Variants in ARHGEF3 observed in about 807,000 individuals in gnomAD.
The protein encoded by ARHGEF3 is 59.8 kDA protein.
Under a neutral mutation model 63.2 loss-of-function variants are expected in ARHGEF3, and 28 were observed. The ratio of observed to expected loss-of-function variants is 0.44; its 90% CI spans 0.33 to 0.61. ARHGEF3 has a LOEUF of 0.61. ARHGEF3 is among the 20% of genes least tolerant of loss of function. ARHGEF3 has a pLI of 0.03. For synonymous variants in ARHGEF3, 266 were observed against 254.2 expected (o/e 1.05, Z -0.44); for missense variants, 533 against 659.3 (o/e 0.81, Z 2.10).
At chr3:56,947,518 A>G (rs1408482978) in intron 3 of ARHGEF3, among the ~76,000 whole-genome samples, 1 of 152,228 alleles carries the variant, frequency 6.6e-6, no homozygotes, top group Admixed American at 6.5e-5. Context: ...ACAAAGATCA[A>G]AAGAGACAAA....
At chr3:57,043,053 CT>C (rs1331845375) in intron 1 of ARHGEF3, among the ~76,000 whole-genome samples, 1 of 151,402 alleles carries the variant, frequency 6.6e-6, no homozygotes, top group Non-Finnish European at 1.5e-5. Flanking sequence ...TTTTAAGTGG[CT>C]GTGTCTGAAG....
chr3:56,948,880 T>C (rs1057187294), intron 3 of ARHGEF3, among the ~76,000 whole-genome samples: 4 of 152,064 alleles, frequency 2.6e-5, no homozygotes, highest in African/African-American at 9.7e-5. Context: ...ATATCCTCAA[T>C]AAAATACTGG....
intron 4 of ARHGEF3, among the ~76,000 whole-genome samples, chr3:56,752,905 C>G (rs2034861057): frequency 6.6e-6 from 1 of 152,172 alleles, no homozygotes. Flanking sequence ...TGTGATTCTT[C>G]GAGGAGGCTG....
At chr3:56,793,650 A>C (rs1287378966) in intron 1 of ARHGEF3, among the ~76,000 whole-genome samples, 3 of 152,188 alleles carry the variant, frequency 2.0e-5, no homozygotes, top group African/African-American at 7.2e-5. Flanking sequence ...TTAGGTATAA[A>C]ATAGCACCTT....
At chr3:56,797,690 A>T (rs1449320695) in intron 1 of ARHGEF3, among the ~76,000 whole-genome samples, 1 of 152,270 alleles carries the variant, frequency 6.6e-6, no homozygotes, top group Non-Finnish European at 1.5e-5. Flanking sequence ...TAAAATGCAC[A>T]TGTTGACTGA....
chr3:56,889,776 TC>T (rs2041049969), intron 3 of ARHGEF3, among the ~76,000 whole-genome samples: 1 of 152,196 alleles, frequency 6.6e-6, no homozygotes, highest in Non-Finnish European at 1.5e-5. Context: ...AATATTTGTT[TC>T]ATGGCTGGGC....
chr3:56,921,865 C>T (rs2042151394), intron 3 of ARHGEF3, among the ~76,000 whole-genome samples: 2 of 152,214 alleles, frequency 1.3e-5, no homozygotes, highest in Non-Finnish European at 2.9e-5. Context: ...ATGGTTTCAA[C>T]ACAGGAACTA....
chr3:57,003,762 G>C (rs957300865), intron 2 of ARHGEF3, among the ~76,000 whole-genome samples: 37 of 152,160 alleles, frequency 2.4e-4, no homozygotes, highest in African/African-American at 8.2e-4. Flanking sequence ...TGTGATCATG[G>C]AAGCAGAGGT....
intron 2 of ARHGEF3, among the ~76,000 whole-genome samples, chr3:57,019,624 A>G (rs1409304430): frequency 6.6e-6 from 1 of 152,230 alleles, no homozygotes; most frequent in Non-Finnish European, 1.5e-5. Flanking sequence ...AAGAGATGCC[A>G]CATCAGATCA....
At chr3:57,016,732 T>C (rs1467884613) in intron 2 of ARHGEF3, among the ~76,000 whole-genome samples, 1 of 152,088 alleles carries the variant, frequency 6.6e-6, no homozygotes, top group East Asian at 1.9e-4. Flanking sequence ...CACCTCTGAG[T>C]TGGTGCACAG....
rs1360502967 is a variant in ARHGEF3 at position 57,012,286 on chromosome 3, G to A, written c.62+22802C>T. On this transcript the variant is annotated intron_variant, in intron 2 of 12. Transcript: ENST00000338458. ...TTGCTGTTGTTGTTGTTTTGAGACA[G>A]GGTCTCTCTCTGTTGCCCAGGGAAT... Among the ~76,000 whole-genome samples, 4 of 152,158 alleles carry A rather than the reference G, an allele frequency of 2.6e-5. 1 individual carries two copies. The highest frequency in any genetic ancestry group is 7.2e-5 in the African/African-American group (3 of 41,428).
Position 56,779,719 on chromosome 3 carries a change from T to C in ARHGEF3, c.97-5903A>G, listed in dbSNP as rs558896967. On this transcript the variant is annotated intron_variant, in intron 1 of 9. Coordinates refer to ENST00000296315, the MANE Select transcript of ARHGEF3 (RefSeq NM_019555.3). ...GCTTTGTACCTTTTCTTTCAACGAATTCCTACAGATTTTCCCTCTTGTGTT... is the reference window on the plus strand; with the variant it reads ...GCTTTGTACCTTTTCTTTCAACGAACTCCTACAGATTTTCCCTCTTGTGTT... 2.8e-4 allele frequency among the ~76,000 whole-genome samples: 43 copies of C among 152,372 alleles called. No individual in the cohort carries two copies. The East Asian group carries it at 7.7e-3, about 27-fold the overall frequency.
chr3:56,994,064 C>CAAAAAAAAAAAAAAAAAAACAAAAA (rs1701875925), intron 2 of ARHGEF3, among the ~76,000 whole-genome samples: 1 of 59,722 alleles, frequency 1.7e-5, no homozygotes. Context: ...AACTTCGTCT[C>CAAAAAAAAAAAAAAAAAAACAAAAA]AAAAAAAAAA....
intron 4 of ARHGEF3, among the ~76,000 whole-genome samples, chr3:56,853,136 T>C (rs558584385): frequency 6.6e-6 from 1 of 152,138 alleles, no homozygotes; most frequent in East Asian, 1.9e-4. Flanking sequence ...AGCACCCTCC[T>C]GTAGTACCTG....
chr3:56,873,388 G>A (rs928211992), intron 4 of ARHGEF3, among the ~76,000 whole-genome samples: 9 of 151,462 alleles, frequency 5.9e-5, no homozygotes, highest in Non-Finnish European at 1.3e-4. Context: ...CTTCTCCCCC[G>A]CTCCACTCTC....
chr3:56,841,086 T>C (rs2039294315), intron 4 of ARHGEF3, among the ~76,000 whole-genome samples: 1 of 152,156 alleles, frequency 6.6e-6, no homozygotes, highest in South Asian at 2.1e-4. Context: ...TTGCCCCCAG[T>C]AGATAAATAC....
At chr3:56,915,283 A>G (rs1172676472) in intron 3 of ARHGEF3, among the ~76,000 whole-genome samples, 1 of 121,658 alleles carries the variant, frequency 8.2e-6, no homozygotes, top group Non-Finnish European at 1.7e-5. Flanking sequence ...GCAACATAGT[A>G]AGACCCACGT....
At chr3:57,050,216 C>A (rs772594114) in intron 1 of ARHGEF3, among the ~76,000 whole-genome samples, 70 of 152,230 alleles carry the variant, frequency 4.6e-4, no homozygotes, top group Admixed American at 3.7e-3. Flanking sequence ...CAAGCCCAAT[C>A]GGCCAAGTCA....
chr3:57,014,684 C>T (rs1579092447), intron 2 of ARHGEF3, among the ~76,000 whole-genome samples: 2 of 146,690 alleles, frequency 1.4e-5, no homozygotes, highest in East Asian at 4.0e-4. Flanking sequence ...AGCTTGTTAA[C>T]TTTTTTTTTT....
Sources: allele counts gnomAD v4.1 joint callset (sites outside exome capture counted in the v4.1 genomes callset), GRCh38; gene constraint gnomAD v4.1.1; transcripts MANE v1.5; gene names NCBI Gene and HGNC (gene_info 2026-07-23, HGNC 2026-07-21).